CACNA1D: variants seen among roughly 807,000 people sequenced by gnomAD.
CACNA1D encodes calcium voltage-gated channel subunit alpha1 D, also known as voltage-dependent L-type calcium channel subunit alpha-1D.
In CACNA1D, 55 loss-of-function variants were observed where a neutral mutation model predicts 257.1. The observed-to-expected ratio is 0.21, with a 90% confidence interval of 0.17 to 0.27. CACNA1D has a LOEUF of 0.27. Ranked by LOEUF, CACNA1D falls within the 10% of genes least tolerant of loss-of-function variation. CACNA1D has a pLI of 1.00. For synonymous variants in CACNA1D, 980 were observed against 1,014.9 expected (o/e 0.97, Z 0.65); for missense variants, 1,876 against 2,784.0 (o/e 0.67, Z 7.34).
intron 12 of CACNA1D, 120 bp downstream of exon 12, chr3:53,722,594 A>C: frequency 1.9e-6 from 2 of 1,060,708 alleles, no homozygotes; most frequent in Non-Finnish European, 2.9e-6. Context: ...TAGTGAGGAC[A>C]AACTTGGTAG....
chr3:53,639,190 C>G (rs975954776), intron 3 of CACNA1D, among the ~76,000 whole-genome samples: 2 of 152,058 alleles, frequency 1.3e-5, no homozygotes, highest in Non-Finnish European at 2.9e-5. Context: ...GTTGTGTAGG[C>G]CAGAGTTCAA....
intron 3 of CACNA1D, among the ~76,000 whole-genome samples, chr3:53,542,790 C>G (rs1484077047): frequency 5.3e-5 from 8 of 152,180 alleles, no homozygotes; most frequent in Middle Eastern, 3.4e-3. Context: ...TGTGGTGACT[C>G]ACGCCTGTAA....
chr3:53,553,208 G>A (rs1315463938), intron 3 of CACNA1D, among the ~76,000 whole-genome samples: 2 of 152,242 alleles, frequency 1.3e-5, no homozygotes, highest in Non-Finnish European at 2.9e-5. Context: ...CTGCCAATTA[G>A]TGGAGCATGT....
chr3:53,620,458 A>AT lies in CACNA1D; in HGVS notation c.484-30315dup, dbSNP rs572754272. 2.3e-3 allele frequency among the ~76,000 whole-genome samples: 345 copies of AT among 151,984 alleles called. 2 individuals carry two copies. The highest frequency in any genetic ancestry group is 1.1e-3 in the Non-Finnish European group (76 of 67,942). ...GGCACACCAACACACCTGGCTATAT[A>AT]TTTTTTCTGTTTTTGTAGAGATGGG... On this transcript the variant is annotated intron_variant, in intron 3 of 47. Coordinates refer to ENST00000350061, the MANE Select transcript of CACNA1D (RefSeq NM_001128840.3).
intron 3 of CACNA1D, among the ~76,000 whole-genome samples, chr3:53,543,876 A>G (rs907493153): frequency 6.6e-6 from 1 of 152,214 alleles, no homozygotes; most frequent in Non-Finnish European, 1.5e-5. Flanking sequence ...TAACATTTTC[A>G]TTGCACAAAT....
rs554502139 is a variant in CACNA1D, at chr3:53,622,066, G to A, written c.484-28713G>A. 4.8e-5 allele frequency among the ~76,000 whole-genome samples: 7 copies of A among 146,102 alleles called. No homozygotes were observed. In the East Asian group the frequency reaches 1.4e-3, roughly 29 times the overall value. ...AAACTTTTTTTTTTTTTCTTTTTTT[G>A]AGACAGAGTCTCACTCTGTCACCCA... On this transcript the variant is annotated intron_variant, in intron 3 of 47. Coordinates refer to ENST00000350061, the MANE Select transcript of CACNA1D (RefSeq NM_001128840.3).
At chr3:53,660,990 C>T (rs1026149291) in intron 5 of CACNA1D, among the ~76,000 whole-genome samples, 2 of 152,156 alleles carry the variant, frequency 1.3e-5, no homozygotes, top group Non-Finnish European at 2.9e-5. Context: ...GGCTCCAGGC[C>T]CCCAGGCCAG....
intron 44 of CACNA1D, among the ~76,000 whole-genome samples, chr3:53,804,384 G>A (rs559643532): frequency 6.6e-6 from 1 of 152,228 alleles, no homozygotes; most frequent in South Asian, 2.1e-4. Context: ...TCACACTGTG[G>A]CCCCTGCTTG....
chr3:53,599,774 C>G (rs909692426), intron 3 of CACNA1D, among the ~76,000 whole-genome samples: 3 of 152,156 alleles, frequency 2.0e-5, no homozygotes, highest in Non-Finnish European at 2.9e-5. Flanking sequence ...AGTGTGAAAA[C>G]TTAGTTTCCT....
rs1283331023 is a variant in CACNA1D at position 53,709,314 on chromosome 3, A to G, written c.1390+6504A>G. On this transcript the variant is annotated intron_variant, in intron 9 of 47. Coordinates refer to ENST00000350061, the MANE Select transcript of CACNA1D (RefSeq NM_001128840.3). ...GGAACTTGACAGATGGGGAAACTAA[A>G]GCACAAAGCAGTTCAGTAGCTTCCC... 2.0e-5 allele frequency among the ~76,000 whole-genome samples: 3 copies of G among 152,228 alleles called. No individual in the cohort carries two copies. The East Asian group carries it at 5.8e-4, about 29-fold the overall frequency.
At chr3:53,596,802 A>G (rs2093376572) in intron 3 of CACNA1D, among the ~76,000 whole-genome samples, 1 of 152,218 alleles carries the variant, frequency 6.6e-6, no homozygotes, top group African/African-American at 2.4e-5. Context: ...CAGAACTGTA[A>G]GATACTAAGT....
chr3:53,616,829 G>A (rs1376451534), intron 3 of CACNA1D, among the ~76,000 whole-genome samples: 1 of 151,924 alleles, frequency 6.6e-6, no homozygotes, highest in Non-Finnish European at 1.5e-5. Flanking sequence ...TTGGGATCTG[G>A]GTTTGAGGGT....
intron 8 of CACNA1D, among the ~76,000 whole-genome samples, chr3:53,691,821 TATATCTATA>T (rs1416254265): frequency 1.3e-5 from 1 of 77,160 alleles, no homozygotes; most frequent in East Asian, 3.7e-4. Context: ...TATTATATAT[TATATCTATA>T]ATATATATTA....
Position 53,789,359 on chromosome 3 carries a change from TG to T in CACNA1D, c.4923+2408del, listed in dbSNP as rs1215551401. Among the ~76,000 whole-genome samples the T allele has an allele frequency of 6.6e-6, 1 of 152,226 alleles. No homozygotes were observed. Among genetic ancestry groups the T allele is most frequent in the African/African-American group, 2.4e-5 (1 of 41,450 alleles). ...AAACATTAAACATAGACATTTTTTT[TG>T]TCTCCTTGAAGGATAATTCTAATTG... On this transcript the variant is annotated intron_variant, in intron 40 of 47. Transcript: ENST00000350061. The surrounding 1 kb of genome is among the most constrained non-coding windows in gnomAD (Gnocchi z 4.2).
In CACNA1D at chr3:53,520,441, C is replaced by A. The variant is rs138339936; in HGVS notation, c.483+18721C>A. On this transcript the variant is annotated intron_variant, in intron 3 of 47. Coordinates refer to ENST00000350061, the MANE Select transcript of CACNA1D (RefSeq NM_001128840.3). Reference sequence around the variant, plus strand: ...GCTTATTAGCCGTTTGTATCAAATCCTTTGCTCATTTTTAAATTGAATTTT... The same window carrying A: ...GCTTATTAGCCGTTTGTATCAAATCATTTGCTCATTTTTAAATTGAATTTT... Among the ~76,000 whole-genome samples, 58 of 152,248 alleles carry A rather than the reference C, an allele frequency of 3.8e-4. No homozygotes were observed. The East Asian group carries it at 0.011, about 28-fold the overall frequency.
chr3:53,520,071 C>CAAA (rs1211393175), intron 3 of CACNA1D, among the ~76,000 whole-genome samples: 1 of 152,116 alleles, frequency 6.6e-6, no homozygotes, highest in Non-Finnish European at 1.5e-5. Context: ...GAGTGTTTTC[C>CAAA]CCTTTTTGGC....
At chr3:53,572,679 C>T (rs11719509) in intron 3 of CACNA1D, among the ~76,000 whole-genome samples, 14,678 of 152,202 alleles carry the variant, frequency 0.096, 733 homozygotes, top group East Asian at 0.2. Context: ...GGATTACAGG[C>T]GTGAGCCACA....
At chr3:53,615,171 C>A (rs1027915677) in intron 3 of CACNA1D, among the ~76,000 whole-genome samples, 1 of 152,208 alleles carries the variant, frequency 6.6e-6, no homozygotes, top group Admixed American at 6.5e-5. Context: ...TGCTCTCAGC[C>A]CCATCACCTG....
intron 39 of CACNA1D, among the ~76,000 whole-genome samples, chr3:53,782,121 CA>C (rs2095428230): frequency 6.6e-6 from 1 of 151,198 alleles, no homozygotes; most frequent in Non-Finnish European, 1.5e-5. Context: ...CCGTAATTAC[CA>C]AAAATGTCCT....
Sources: gnomAD v4.1 joint callset for allele counts (sites outside exome capture counted in the v4.1 genomes callset) on GRCh38, gnomAD v4.1.1 for gene constraint, Gnocchi (gnomAD v3.1) non-coding constraint, MANE v1.5 for transcripts, NCBI Gene and HGNC (gene_info 2026-07-23, HGNC 2026-07-21) for gene names.